Variants in KCNQ1OT1 observed in about 807,000 individuals in gnomAD.
KCNQ1OT1 encodes KCNQ1 opposite strand/antisense transcript 1.
rs1446281998 is a variant in KCNQ1OT1, at chr11:2,613,233, C to G, written n.86762G>C. On this transcript the variant is annotated non_coding_transcript_exon_variant, in exon 1 of 1. Transcript: ENST00000597346. This position sits in a 1 kb window ranked among gnomAD's most constrained non-coding sequence, Gnocchi z 4.8. Reference sequence around the variant, plus strand: ...GTCTGCTTGCAAAAGGTCTCACAGTCAGCCAAGGATAAGTAGATAGCAGGA... The same window carrying G: ...GTCTGCTTGCAAAAGGTCTCACAGTGAGCCAAGGATAAGTAGATAGCAGGA... The G allele has an allele frequency of 1.0e-5, 4 of 398,430 alleles. No homozygotes were observed. The highest frequency in any genetic ancestry group is 1.8e-5 in the Non-Finnish European group (4 of 226,064). The allele number at this position is 398,430 out of a possible 1,614,324, so 24.7% of individuals were successfully genotyped here.
exon 1 of KCNQ1OT1, chr11:2,666,976 C>T (rs908292004): frequency 3.3e-5 from 13 of 398,638 alleles, no homozygotes; most frequent in African/African-American, 2.7e-4. Context: ...TGGGGGCCCG[C>T]CCGGGAGGGC....
Position 2,690,633 on chromosome 11 carries a change from G to C in KCNQ1OT1, n.9362C>G. The C allele has an allele frequency of 5.0e-6, 2 of 398,582 alleles. No individual in the cohort carries two copies. Among genetic ancestry groups the C allele is most frequent in the Non-Finnish European group, 8.8e-6 (2 of 226,014 alleles). The allele number at this position is 398,582 out of a possible 1,614,324, so 24.7% of individuals were successfully genotyped here. On this transcript the variant is annotated non_coding_transcript_exon_variant, in exon 1 of 1. Coordinates refer to ENST00000597346, the Ensembl canonical transcript of KCNQ1OT1. This position sits in a 1 kb window ranked among gnomAD's most constrained non-coding sequence, Gnocchi z 5.1. ...TATGTGCATGTTCATATATGTGTCA[G>C]AATGCGTATTTGTCAGTGTATGTGT...
At chr11:2,667,735 G>A in exon 1 of KCNQ1OT1, 1 of 398,786 alleles carries the variant, frequency 2.5e-6, no homozygotes, top group East Asian at 3.6e-5. Flanking sequence ...TTAAGTGAGG[G>A]AGTGGGATGG....
At chr11:2,699,961 G>C (rs1439528985) in exon 1 of KCNQ1OT1, 1 of 398,224 alleles carries the variant, frequency 2.5e-6, no homozygotes, top group Non-Finnish European at 4.4e-6. Context: ...GAGCTCCCTG[G>C]AGGTCCGTGC....
Position 2,691,568 on chromosome 11 carries a change from C to A in KCNQ1OT1, n.8427G>T. 2.5e-6 allele frequency: 1 copy of A among 398,576 alleles called. No homozygotes were observed. Among genetic ancestry groups the A allele is most frequent in the Admixed American group, 4.4e-5 (1 of 22,740 alleles). 24.7% of individuals were successfully genotyped at this position (398,576 alleles called of 1,614,324 possible). On this transcript the variant is annotated non_coding_transcript_exon_variant, in exon 1 of 1. Transcript: ENST00000597346. This position sits in a 1 kb window ranked among gnomAD's most constrained non-coding sequence, Gnocchi z 6.4. ...TCTATCCTGAGGTTATGAAATACCT[C>A]AGCAAGGACGAGGCCTCCCTGAGGG...
exon 1 of KCNQ1OT1, chr11:2,684,253 T>C (rs1850447821): frequency 7.5e-6 from 3 of 398,570 alleles, no homozygotes; most frequent in East Asian, 3.6e-5. Flanking sequence ...CCTTCTGGGA[T>C]TGGATTAACA....
At chr11:2,637,906 T>C (rs914117687) in exon 1 of KCNQ1OT1, 2 of 152,248 alleles carry the variant, frequency 1.3e-5, no homozygotes, top group African/African-American at 4.8e-5. Context: ...TTAGCTCTTC[T>C]TGTTGAATTG....
chr11:2,690,554 TAAC>T lies in KCNQ1OT1; in HGVS notation n.9438_9440del. ...ACTGGGCCTAGGGAAGGACAAGAAG[TAAC>T]ATGTCAAAGATGGGACAGAACCCAC... On this transcript the variant is annotated non_coding_transcript_exon_variant, in exon 1 of 1. Coordinates refer to ENST00000597346, the Ensembl canonical transcript of KCNQ1OT1. This position sits in a 1 kb window ranked among gnomAD's most constrained non-coding sequence, Gnocchi z 5.1. The T allele has an allele frequency of 2.5e-6, 1 of 398,606 alleles. No homozygotes were observed. Among genetic ancestry groups the T allele is most frequent in the Non-Finnish European group, 4.4e-6 (1 of 226,080 alleles). The allele number at this position is 398,606 out of a possible 1,614,324, so 24.7% of individuals were successfully genotyped here.
At chr11:2,639,950 CT>C (rs1849544438) in exon 1 of KCNQ1OT1, 1 of 153,932 alleles carries the variant, frequency 6.5e-6, no homozygotes, top group Non-Finnish European at 1.4e-5. Flanking sequence ...GCAGTTCGAT[CT>C]CAGACTGCTG....
At chr11:2,699,207 A>G (rs1850729130) in exon 1 of KCNQ1OT1, 1 of 398,618 alleles carries the variant, frequency 2.5e-6, no homozygotes. Flanking sequence ...GGACGCGGCC[A>G]GGAACTCGGA....
chr11:2,633,579 C>T (rs1849399711), exon 1 of KCNQ1OT1: 1 of 398,532 alleles, frequency 2.5e-6, no homozygotes, highest in Non-Finnish European at 4.4e-6. Context: ...CATTCTTCTG[C>T]ATATGATATC....
chr11:2,652,270 C>A lies in KCNQ1OT1; in HGVS notation n.47725G>T. The A allele has an allele frequency of 2.5e-6, 1 of 398,666 alleles. No individual in the cohort carries two copies. Among genetic ancestry groups the A allele is most frequent in the East Asian group, 3.6e-5 (1 of 28,074 alleles). 24.7% of individuals were successfully genotyped at this position (398,666 alleles called of 1,614,324 possible). A position where few individuals can be genotyped will look rare whatever the true frequency, so the allele number is the denominator to read the frequency against. On this transcript the variant is annotated non_coding_transcript_exon_variant, in exon 1 of 1. Coordinates refer to ENST00000597346, the Ensembl canonical transcript of KCNQ1OT1. This position sits in a 1 kb window ranked among gnomAD's most constrained non-coding sequence, Gnocchi z 5.9. ...TCCCCATTAAACATTCTGAGAACATCTGCACCGGTTTCCAAGGCTTCTCCC... is the reference window on the plus strand; with the variant it reads ...TCCCCATTAAACATTCTGAGAACATATGCACCGGTTTCCAAGGCTTCTCCC...
At position 2,608,385 on chromosome 11, in the gene KCNQ1OT1, A is replaced by G; in HGVS notation, n.91610T>C. The G allele has an allele frequency of 2.5e-6, 1 of 398,586 alleles. No individual in the cohort carries two copies. Among genetic ancestry groups the G allele is most frequent in the Non-Finnish European group, 4.4e-6 (1 of 226,050 alleles). 24.7% of individuals were successfully genotyped at this position (398,586 alleles called of 1,614,324 possible). On this transcript the variant is annotated non_coding_transcript_exon_variant, in exon 1 of 1. Transcript: ENST00000597346. This position sits in a 1 kb window ranked among gnomAD's most constrained non-coding sequence, Gnocchi z 4.6. ...AATTTGTCAATTTCATCTAAGTTTTATAATTTATTGGCACAAAATTGTTCA... is the reference window on the plus strand; with the variant it reads ...AATTTGTCAATTTCATCTAAGTTTTGTAATTTATTGGCACAAAATTGTTCA...
Position 2,664,098 on chromosome 11 carries a change from T to C in KCNQ1OT1, n.35897A>G, listed in dbSNP as rs1850019435. On this transcript the variant is annotated non_coding_transcript_exon_variant, in exon 1 of 1. Coordinates refer to ENST00000597346, the Ensembl canonical transcript of KCNQ1OT1. This position sits in a 1 kb window ranked among gnomAD's most constrained non-coding sequence, Gnocchi z 5.1. ...GGCCCAGGCAGGTCAGAGACTCCAG[T>C]CATTACCCAACCAGGTCCCTGCCCT... The C allele has an allele frequency of 2.5e-6, 1 of 398,576 alleles. No homozygotes were observed. The highest frequency in any genetic ancestry group is 2.1e-5 in the African/African-American group (1 of 48,622). The allele number at this position is 398,576 out of a possible 1,614,324, so 24.7% of individuals were successfully genotyped here. A position where few individuals can be genotyped will look rare whatever the true frequency, so the allele number is the denominator to read the frequency against.
rs1589984592 is a variant in KCNQ1OT1 at position 2,618,419 on chromosome 11, C to G, written n.81576G>C. 4 of 398,564 alleles carry G rather than the reference C, an allele frequency of 1.0e-5. No homozygotes were observed. The East Asian group carries it at 1.4e-4, about 14-fold the overall frequency. 24.7% of individuals were successfully genotyped at this position (398,564 alleles called of 1,614,324 possible). On this transcript the variant is annotated non_coding_transcript_exon_variant, in exon 1 of 1. Coordinates refer to ENST00000597346, the Ensembl canonical transcript of KCNQ1OT1. ...GTCTGTGGGCCATGGGTTGGACAAGCCACAGAACTGGGTTTCCTAACGTCA... is the reference window on the plus strand; with the variant it reads ...GTCTGTGGGCCATGGGTTGGACAAGGCACAGAACTGGGTTTCCTAACGTCA...
chr11:2,631,483 T>C, exon 1 of KCNQ1OT1: 1 of 393,588 alleles, frequency 2.5e-6, no homozygotes, highest in South Asian at 1.3e-4. Context: ...GTATTAATGA[T>C]TTCATTAGGT....
chr11:2,686,919 A>C, exon 1 of KCNQ1OT1: 2 of 398,714 alleles, frequency 5.0e-6, no homozygotes, highest in Non-Finnish European at 8.8e-6. Context: ...ATCCAGGTCC[A>C]TGCAGGTCTC....
At chr11:2,633,368 T>C (rs1450940173) in exon 1 of KCNQ1OT1, 2 of 398,432 alleles carry the variant, frequency 5.0e-6, no homozygotes, top group Admixed American at 8.8e-5. Context: ...TGTAGGTTTT[T>C]AGTTTGATAC....
At chr11:2,649,208 A>G (rs1849719334) in exon 1 of KCNQ1OT1, 1 of 398,056 alleles carries the variant, frequency 2.5e-6, no homozygotes, top group African/African-American at 2.1e-5. Flanking sequence ...AATTACCTAC[A>G]TTCAAGATTG....
Sources: gnomAD v4.1 joint callset for allele counts on GRCh38, gnomAD v4.1.1 for gene constraint, Gnocchi (gnomAD v3.1) non-coding constraint, MANE v1.5 for transcripts, NCBI Gene and HGNC (gene_info 2026-07-23, HGNC 2026-07-21) for gene names.